The following VPS13B variants were observed in gnomAD, a reference collection of about 807,000 sequenced individuals.
VPS13B encodes intermembrane lipid transfer protein VPS13B.
A neutral mutation model predicts 426.4 loss-of-function variants in VPS13B; 285 were observed. That is an observed-to-expected ratio of 0.67 (90% CI 0.61 to 0.74). VPS13B has a LOEUF of 0.74. Ranked by LOEUF, VPS13B falls within the 30% of genes least tolerant of loss-of-function variation. The pLI is 0.00. For missense variants in VPS13B, 4,537 were observed against 4,782.6 expected, an observed-to-expected ratio of 0.95 and a Z score of 1.51; for synonymous variants, 1,676 against 1,676.4, an observed-to-expected ratio of 1.00 and a Z score of 0.01.
chr8:99,575,850 G>T (rs1412267317), intron 32 of VPS13B, 66 bp downstream of exon 32: 2 of 1,528,630 alleles, frequency 1.3e-6, no homozygotes, highest in East Asian at 2.3e-5. Context: ...GTATGTTAGG[G>T]ATTGCCACAG....
At chr8:99,469,693 C>T (rs1047582212) in intron 24 of VPS13B, among the ~76,000 whole-genome samples, 9 of 151,974 alleles carry the variant, frequency 5.9e-5, no homozygotes, top group African/African-American at 9.7e-5. Flanking sequence ...ATTGTGTCCC[C>T]GCAAAAATAT....
At chr8:99,482,302 T>C (rs1820083714) in intron 25 of VPS13B, among the ~76,000 whole-genome samples, 2 of 152,138 alleles carry the variant, frequency 1.3e-5, no homozygotes, top group South Asian at 4.1e-4. Context: ...AGTACCTCTT[T>C]TGTATAAGAA....
At chr8:99,856,668 C>G (rs1416384887) in intron 56 of VPS13B, among the ~76,000 whole-genome samples, 7 of 152,182 alleles carry the variant, frequency 4.6e-5, no homozygotes, top group Non-Finnish European at 1.0e-4. Flanking sequence ...TGGTGAAACC[C>G]TGTCTCTACT....
At chr8:99,134,420 T>TA (rs2132553295) in intron 8 of VPS13B, among the ~76,000 whole-genome samples, 1 of 152,272 alleles carries the variant, frequency 6.6e-6, no homozygotes, top group African/African-American at 2.4e-5. Flanking sequence ...AAAAAGTATT[T>TA]AAATTCTCTA....
chr8:99,150,820 G>A (rs1811036157), intron 14 of VPS13B, among the ~76,000 whole-genome samples: 1 of 152,164 alleles, frequency 6.6e-6, no homozygotes, highest in African/African-American at 2.4e-5. Flanking sequence ...AGTTTTGAGA[G>A]TTGTGAGTAA....
intron 33 of VPS13B, among the ~76,000 whole-genome samples, chr8:99,606,156 T>C (rs1048374603): frequency 6.6e-6 from 1 of 152,156 alleles, no homozygotes; most frequent in African/African-American, 2.4e-5. Context: ...TCCACCTGCC[T>C]TGGCTTCCCA....
Position 99,640,546 on chromosome 8 carries a change from G to A in VPS13B, c.5221-1265G>A, listed in dbSNP as rs796195560. 2.6e-4 allele frequency among the ~76,000 whole-genome samples: 39 copies of A among 152,264 alleles called. 1 individual carries two copies. The highest frequency in any genetic ancestry group is 3.4e-3 in the Middle Eastern group (1 of 294). ...GCCTCCCAAAGTGCTGGGATTACCA[G>A]TGTGAATCACTGCACCTGGCCTAAT... On this transcript the variant is annotated intron_variant, in intron 33 of 61. Transcript: ENST00000357162.
At chr8:99,797,188 T>A (rs866964319) in intron 43 of VPS13B, 6 of 152,324 alleles carry the variant, frequency 3.9e-5, no homozygotes, top group Middle Eastern at 3.4e-3. Flanking sequence ...CCACAATATT[T>A]AATCCTGTAT....
intron 21 of VPS13B, among the ~76,000 whole-genome samples, chr8:99,428,145 A>G: frequency 6.6e-6 from 1 of 152,218 alleles, no homozygotes; most frequent in African/African-American, 2.4e-5. Context: ...TTCAAGATGG[A>G]TTAAAGACTT....
chr8:99,695,789 C>G (rs902544848), intron 35 of VPS13B, among the ~76,000 whole-genome samples: 2 of 151,470 alleles, frequency 1.3e-5, no homozygotes, highest in Non-Finnish European at 2.9e-5. Flanking sequence ...GGGATGGGAC[C>G]CTGAGAGAGC....
chr8:99,397,845 C>T (rs1273243271), intron 21 of VPS13B, among the ~76,000 whole-genome samples: 2 of 152,146 alleles, frequency 1.3e-5, no homozygotes, highest in African/African-American at 2.4e-5. Flanking sequence ...TGTTTATATA[C>T]TCTTGACTAG....
At chr8:99,632,393 A>G (rs1021624254) in intron 33 of VPS13B, among the ~76,000 whole-genome samples, 1 of 151,994 alleles carries the variant, frequency 6.6e-6, no homozygotes, top group African/African-American at 2.4e-5. Context: ...TAATGTATAC[A>G]TTAGATTACC....
chr8:99,652,347 A>G (rs1829852041), intron 34 of VPS13B, among the ~76,000 whole-genome samples: 1 of 152,188 alleles, frequency 6.6e-6, no homozygotes. Context: ...TGCTATTAGG[A>G]TTAAACAATG....
At chr8:99,486,983 C>T (rs1406013675) in intron 25 of VPS13B, among the ~76,000 whole-genome samples, 3 of 151,832 alleles carry the variant, frequency 2.0e-5, no homozygotes, top group South Asian at 2.1e-4. Context: ...TATGCTGGAG[C>T]AGTTGGTGAC....
At chr8:99,561,148 C>G (rs1277384920) in intron 31 of VPS13B, among the ~76,000 whole-genome samples, 1 of 152,120 alleles carries the variant, frequency 6.6e-6, no homozygotes, top group Non-Finnish European at 1.5e-5. Context: ...TTCTTCACCC[C>G]AAAGTAAAAT....
At position 99,270,131 on chromosome 8, in the gene VPS13B, C is replaced by CTTTTTTT. The variant is rs71273170; in HGVS notation, c.2516-4047_2516-4041dup. 4.2e-3 allele frequency among the ~76,000 whole-genome samples: 128 copies of CTTTTTTT among 30,304 alleles called. 54 individuals carry two copies. Among genetic ancestry groups the CTTTTTTT allele is most frequent in the Non-Finnish European group, 5.3e-3 (87 of 16,558 alleles). The allele number at this position is 30,304 out of a possible 152,430, so 19.9% of individuals were successfully genotyped here. A position where few individuals can be genotyped will look rare whatever the true frequency, so the allele number is the denominator to read the frequency against. The stretch of plus-strand genomic sequence containing the variant: ...ATATAGGTATATAAGATATAAGAAT[C>CTTTTTTT]TTTTTTTTTTTTTTTTTTTTTTTTT... On this transcript the variant is annotated intron_variant, in intron 17 of 61. Coordinates refer to ENST00000357162, the MANE Select transcript of VPS13B (RefSeq NM_152564.5).
rs1301739623 is a variant in VPS13B at position 99,720,325 on chromosome 8, A to AT, written c.6658-13dup. 3 of 1,603,752 alleles carry AT rather than the reference A, an allele frequency of 1.9e-6. No homozygotes were observed. The highest frequency in any genetic ancestry group is 2.6e-6 in the Non-Finnish European group (3 of 1,173,230). On this transcript the variant is annotated intron_variant, in intron 37 of 61. Coordinates refer to ENST00000357162, the MANE Select transcript of VPS13B (RefSeq NM_152564.5). ...ATGTTTGTATTTAAAAGCTACTAGA[A>AT]TTTTTTTATGATTTTAAAGGTCTTC... is the stretch of plus-strand genomic sequence containing the variant.
At position 99,778,935 on chromosome 8, in the gene VPS13B, G is replaced by C. The variant is rs1205859728; in HGVS notation, c.7683G>C (p.Lys2561Asn). The C allele has an allele frequency of 5.0e-6, 8 of 1,613,840 alleles. No individual in the cohort carries two copies. The highest frequency in any genetic ancestry group is 5.9e-6 in the Non-Finnish European group (7 of 1,179,900). ...QMAVSSDVVEKLLDCTVIVDS... is the reference protein window; with the variant it reads ...QMAVSSDVVENLLDCTVIVDS... ...CAGTTTCCAGCGATGTAGTGGAAAAGCTGCTTGACTGCACCGTGATAGTTG... is the reference window on the plus strand; with the variant it reads ...CAGTTTCCAGCGATGTAGTGGAAAACCTGCTTGACTGCACCGTGATAGTTG... Residue 2561 changes from lysine to asparagine, a missense_variant, in exon 42 of 62, where the codon AAG becomes AAC. By Grantham distance (94) the Lys-to-Asn change is moderately conservative. Around this residue, in one of 2 missense-constraint regions of VPS13B, gnomAD observed 4,311 missense variants for 4,474.3 expected, o/e 0.96. Coordinates refer to ENST00000357162, the MANE Select transcript of VPS13B (RefSeq NM_152564.5).
chr8:99,307,912 C>T (rs1563658814), intron 19 of VPS13B, among the ~76,000 whole-genome samples: 2 of 152,066 alleles, frequency 1.3e-5, no homozygotes, highest in Non-Finnish European at 2.9e-5. Flanking sequence ...CTAACTAGCA[C>T]TGCTTTTGCT....
Sources: gnomAD v4.1 joint callset for allele counts (sites outside exome capture counted in the v4.1 genomes callset) on GRCh38, gnomAD v4.1.1 for gene constraint, gnomAD v4.1.1 regional missense constraint, MANE v1.5 for transcripts, NCBI Gene and HGNC (gene_info 2026-07-23, HGNC 2026-07-21) for gene names.